ZNF138: variants seen among roughly 807,000 people sequenced by gnomAD.
ZNF138 encodes zinc finger protein 138, also known as zinc finger protein 138 (clone pHZ-32).
A neutral mutation model predicts 33.0 loss-of-function variants in ZNF138; 33 were observed. The observed-to-expected ratio is 1.00, with a 90% confidence interval of 0.76 to 1.34. The LOEUF (loss-of-function observed/expected upper bound fraction) is 1.34, where lower values mean the gene tolerates loss of function less well. ZNF138 is among the 40% of genes most tolerant of loss of function. ZNF138 has a pLI of 0.00. For missense variants in ZNF138, 360 were observed against 370.8 expected (o/e 0.97, Z 0.24); for synonymous variants, 139 against 120.4 (o/e 1.15, Z -1.01).
intron 1 of ZNF138, among the ~76,000 whole-genome samples, chr7:64,794,978 ATTAAT>A (rs751748351): frequency 3.3e-5 from 5 of 152,124 alleles, no homozygotes; most frequent in Admixed American, 6.6e-5. Flanking sequence ...CCGCAAAAAA[ATTAAT>A]TTAATCAAAC....
rs900120324 is a variant in ZNF138, at chr7:64,831,771, T to C, written c.529T>C (p.Cys177Arg). The part of the protein sequence containing the change: ...FRCKECDKSL[C>R]MLSRLTQHKK... ...ATGTAAAGAATGTGACAAATCACTTTGCATGCTTTCACGCCTAACTCAACA... is the reference window on the plus strand; with the variant it reads ...ATGTAAAGAATGTGACAAATCACTTCGCATGCTTTCACGCCTAACTCAACA... Residue 177 changes from cysteine to arginine, a missense_variant, in exon 4 of 4, where the codon TGC (cysteine) becomes CGC (arginine). Cys to Arg is a radical substitution (Grantham distance 180). Transcript: ENST00000307355. The C allele has an allele frequency of 1.2e-6, 2 of 1,613,790 alleles. No individual in the cohort carries two copies. The highest frequency in any genetic ancestry group is 1.3e-5 in the African/African-American group (1 of 75,050).
chr7:64,852,437 A>G, the ZNF138 span: 2 of 1,575,338 alleles, frequency 1.3e-6, no homozygotes, highest in Non-Finnish European at 1.7e-6. Flanking sequence ...TTGAGTGGCC[A>G]CTTGTGGTGC....
chr7:64,816,825 CT>C (rs1457958372), intron 3 of ZNF138, among the ~76,000 whole-genome samples: 1 of 152,092 alleles, frequency 6.6e-6, no homozygotes, highest in Admixed American at 6.5e-5. Flanking sequence ...AGGTAAAGAT[CT>C]TTTGTTGGCC....
chr7:64,799,060 A>G (rs974249308), intron 1 of ZNF138, among the ~76,000 whole-genome samples: 2 of 152,088 alleles, frequency 1.3e-5, no homozygotes, highest in African/African-American at 4.8e-5. Flanking sequence ...GAATTTTAAA[A>G]TAGTTTTTTT....
the ZNF138 span, among the ~76,000 whole-genome samples, chr7:64,848,679 T>C: frequency 6.6e-6 from 1 of 150,828 alleles, no homozygotes; most frequent in South Asian, 2.1e-4. Flanking sequence ...TTTAGATCCA[T>C]TGCTGGTGAG....
At chr7:64,845,784 G>A in the ZNF138 span, among the ~76,000 whole-genome samples, 1 of 151,982 alleles carries the variant, frequency 6.6e-6, no homozygotes, top group Non-Finnish European at 1.5e-5. Context: ...TTTTTTCCAT[G>A]CTAATTTGTT....
chr7:64,810,326 A>C (rs1337209212), intron 1 of ZNF138, among the ~76,000 whole-genome samples: 1 of 145,716 alleles, frequency 6.9e-6, no homozygotes, highest in Admixed American at 6.9e-5. Context: ...GCGAGCCTGC[A>C]ATCGCAGGCA....
At chr7:64,815,815 T>C (rs963547163) in intron 3 of ZNF138, among the ~76,000 whole-genome samples, 162 bp downstream of exon 3, 5 of 152,366 alleles carry the variant, frequency 3.3e-5, no homozygotes, top group Middle Eastern at 3.4e-3. Flanking sequence ...TTCTGTCTTA[T>C]GTTTTTAAAT....
In ZNF138 at chr7:64,815,752, G is replaced by C. The variant is rs1416271401; in HGVS notation, c.208+99G>C. On this transcript the variant is annotated intron_variant, in intron 3 of 3. Transcript: ENST00000307355. ...TGATTTGGAAATCTGTATTCCAAAG[G>C]AAATAGTTTCTGGAAAGCCTGAGTT... The C allele has an allele frequency of 3.5e-6, 4 of 1,143,918 alleles. No homozygotes were observed. The East Asian group carries it at 8.3e-5, about 24-fold the overall frequency. 70.9% of individuals were successfully genotyped at this position (1,143,918 alleles called of 1,614,324 possible).
chr7:64,810,213 T>A (rs1327053726), intron 1 of ZNF138, among the ~76,000 whole-genome samples: 5 of 148,564 alleles, frequency 3.4e-5, no homozygotes, highest in Non-Finnish European at 7.4e-5. Context: ...CCCGGCACCT[T>A]GGGAGGCCGA....
chr7:64,813,686 G>A (rs550255414), intron 1 of ZNF138, among the ~76,000 whole-genome samples: 8 of 151,974 alleles, frequency 5.3e-5, no homozygotes, highest in Non-Finnish European at 7.4e-5. Context: ...CGCCTGCCTC[G>A]GCCTCCCAAA....
chr7:64,852,818 T>C, the ZNF138 span: 1 of 842,166 alleles, frequency 1.2e-6, no homozygotes, highest in Non-Finnish European at 2.1e-6. Flanking sequence ...TTCACTGGGC[T>C]GACAGACAGT....
At chr7:64,818,017 C>T (rs776322641) in intron 3 of ZNF138, among the ~76,000 whole-genome samples, 3 of 145,594 alleles carry the variant, frequency 2.1e-5, no homozygotes, top group South Asian at 4.3e-4. Context: ...TTTTTGAGAC[C>T]GAGTCTCACT....
chr7:64,813,558 C>A (rs1788357214), intron 1 of ZNF138, among the ~76,000 whole-genome samples: 1 of 152,046 alleles, frequency 6.6e-6, no homozygotes, highest in South Asian at 2.1e-4. Flanking sequence ...CTCAGCCTCC[C>A]CAGTAGCTGG....
intron 3 of ZNF138, among the ~76,000 whole-genome samples, chr7:64,826,343 G>C (rs574516861): frequency 6.6e-6 from 1 of 150,976 alleles, no homozygotes; most frequent in Non-Finnish European, 1.5e-5. Flanking sequence ...GCAATGGCAC[G>C]ATGTTGTCTC....
In ZNF138 at chr7:64,794,507, G is replaced by T; in HGVS notation, c.-62G>T. 6.2e-7 allele frequency: 1 copy of T among 1,609,788 alleles called. No individual in the cohort carries two copies. Among genetic ancestry groups the T allele is most frequent in the Non-Finnish European group, 8.5e-7 (1 of 1,177,214 alleles). ...CTCCTAGAGGCCCAGCCTCTGTGGC[G>T]CTGTGATCTGGTTATTGGGAGATTC... is the stretch of plus-strand genomic sequence containing the variant. On this transcript the variant is annotated 5_prime_UTR_variant, in exon 1 of 4. Transcript: ENST00000307355.
rs185921475 is a variant in ZNF138 at position 64,802,875 on chromosome 7, A to G, written c.3+8304A>G. 1.2e-3 allele frequency among the ~76,000 whole-genome samples: 187 copies of G among 151,964 alleles called. 1 individual carries two copies. Among genetic ancestry groups the G allele is most frequent in the African/African-American group, 3.9e-3 (161 of 41,352 alleles). On this transcript the variant is annotated intron_variant, in intron 1 of 3. Coordinates refer to ENST00000307355, the MANE Select transcript of ZNF138 (RefSeq NM_001271639.2). The stretch of plus-strand genomic sequence containing the variant: ...CCCCCTGCCCAACAGACACAAATGC[A>G]TATCTGATTGTTCCCCTGCCTCGTT...
chr7:64,837,688 T>C (rs1790404334), downstream of ZNF138, among the ~76,000 whole-genome samples: 1 of 152,118 alleles, frequency 6.6e-6, no homozygotes, highest in African/African-American at 2.4e-5. Context: ...TGGTATGGAG[T>C]GTGTAACTTC....
At chr7:64,810,570 T>TAACATACGCTTA (rs56230127) in intron 1 of ZNF138, among the ~76,000 whole-genome samples, 7 of 152,114 alleles carry the variant, frequency 4.6e-5, no homozygotes, top group Admixed American at 4.6e-4. Flanking sequence ...AAATTGCTTA[T>TAACATACGCTTA]TAGTATATGT....
Sources: gnomAD v4.1 joint callset for allele counts (sites outside exome capture counted in the v4.1 genomes callset) on GRCh38, gnomAD v4.1.1 for gene constraint, MANE v1.5 for transcripts, NCBI Gene and HGNC (gene_info 2026-07-23, HGNC 2026-07-21) for gene names.